The following B3GALT1 variants were observed in gnomAD, a reference collection of about 807,000 sequenced individuals.
B3GALT1 encodes beta-1,3-galactosyltransferase 1.
Under a neutral mutation model 23.2 loss-of-function variants are expected in B3GALT1, and 10 were observed. The ratio of observed to expected loss-of-function variants is 0.43; its 90% CI spans 0.27 to 0.73. The LOEUF (loss-of-function observed/expected upper bound fraction) is 0.73, where lower values mean the gene tolerates loss of function less well. Ranked by LOEUF, B3GALT1 falls within the 30% of genes least tolerant of loss-of-function variation. The probability of loss-of-function intolerance (pLI) is 0.21; values close to 1 mark genes in which losing one functional copy is unlikely to be tolerated. For synonymous variants in B3GALT1, 156 were observed against 141.5 expected, an observed-to-expected ratio of 1.10 and a Z score of -0.73; for missense variants, 299 against 405.4, an observed-to-expected ratio of 0.74 and a Z score of 2.25.
At chr2:167,350,929 CAT>C (rs1425700492) in intron 1 of B3GALT1, among the ~76,000 whole-genome samples, 1 of 152,184 alleles carries the variant, frequency 6.6e-6, no homozygotes, top group Non-Finnish European at 1.5e-5. Flanking sequence ...TGGCTGCATG[CAT>C]ATGTTATTCC....
At chr2:167,643,459 G>T (rs1260970449) in intron 2 of B3GALT1, among the ~76,000 whole-genome samples, 1 of 151,940 alleles carries the variant, frequency 6.6e-6, no homozygotes, top group Non-Finnish European at 1.5e-5. Context: ...ATGTTAAGTG[G>T]TAGGGGAAAG....
chr2:167,835,289 G>A (rs200445883), intron 4 of B3GALT1, among the ~76,000 whole-genome samples: 6 of 152,186 alleles, frequency 3.9e-5, no homozygotes, highest in African/African-American at 1.2e-4. Flanking sequence ...CAAAGAAAGG[G>A]GTGACAGATG....
chr2:167,586,348 G>A (rs906694818), intron 2 of B3GALT1, among the ~76,000 whole-genome samples: 1 of 152,090 alleles, frequency 6.6e-6, no homozygotes, highest in African/African-American at 2.4e-5. Flanking sequence ...CGCCCAGGCT[G>A]GAGTGCAGTG....
rs139826851 is a variant in B3GALT1, at chr2:167,448,468, T to G, written c.-510-41709T>G. ...CAATTTTTGATGGGATTGTTGGTTT[T>G]TTTGTTGCTGATTTGTTTGAGTTTC... is the stretch of plus-strand genomic sequence containing the variant. On this transcript the variant is annotated intron_variant, in intron 1 of 4. Coordinates refer to ENST00000392690, the MANE Select transcript of B3GALT1 (RefSeq NM_020981.4). Among the ~76,000 whole-genome samples the G allele has an allele frequency of 2.8e-4, 42 of 152,298 alleles. No individual in the cohort carries two copies. In the East Asian group the frequency reaches 8.1e-3, roughly 29 times the overall value.
rs1295318741 is a variant in B3GALT1 at position 167,870,051 on chromosome 2, C to CT, written c.*38dup. 1.9e-6 allele frequency: 3 copies of CT among 1,539,916 alleles called. No individual in the cohort carries two copies. Among genetic ancestry groups the CT allele is most frequent in the African/African-American group, 2.8e-5 (2 of 72,512 alleles). On this transcript the variant is annotated 3_prime_UTR_variant, in exon 5 of 5. Coordinates refer to ENST00000392690, the MANE Select transcript of B3GALT1 (RefSeq NM_020981.4). ...TTACCAATGTAAATATGTTTCTTTT[C>CT]TTTTTTTAAGAAATGGGACCTAAGG...
At chr2:167,550,405 A>G (rs985373237) in intron 2 of B3GALT1, among the ~76,000 whole-genome samples, 1 of 152,242 alleles carries the variant, frequency 6.6e-6, no homozygotes, top group African/African-American at 2.4e-5. Context: ...GACTAAGAGC[A>G]AAAAACAAAC....
intron 3 of B3GALT1, among the ~76,000 whole-genome samples, chr2:167,793,798 T>C (rs1424070376): frequency 6.6e-6 from 1 of 152,206 alleles, no homozygotes; most frequent in East Asian, 1.9e-4. Flanking sequence ...ATATGAATAA[T>C]GGACATTCAT....
At chr2:167,353,689 T>G (rs1697355731) in intron 1 of B3GALT1, among the ~76,000 whole-genome samples, 1 of 152,146 alleles carries the variant, frequency 6.6e-6, no homozygotes, top group African/African-American at 2.4e-5. Context: ...AGTATAAAAT[T>G]TATATTATAA....
chr2:167,624,532 C>A (rs1287065065), intron 2 of B3GALT1, among the ~76,000 whole-genome samples: 1 of 152,010 alleles, frequency 6.6e-6, no homozygotes, highest in South Asian at 2.1e-4. Flanking sequence ...CAGACATGAG[C>A]GTTTTATTTG....
chr2:167,419,632 T>C (rs1698519054), intron 1 of B3GALT1, among the ~76,000 whole-genome samples: 1 of 152,238 alleles, frequency 6.6e-6, no homozygotes, highest in South Asian at 2.1e-4. Context: ...TTTATTTGTA[T>C]CATCATTCAT....
At chr2:167,815,230 A>C (rs955308371) in intron 3 of B3GALT1, 5 of 152,208 alleles carry the variant, frequency 3.3e-5, no homozygotes, top group African/African-American at 9.7e-5. Context: ...AAGCGACCCC[A>C]CCTATAGTGA....
At chr2:167,486,897 G>A (rs1699635270) in intron 1 of B3GALT1, among the ~76,000 whole-genome samples, 1 of 152,064 alleles carries the variant, frequency 6.6e-6, no homozygotes, top group Non-Finnish European at 1.5e-5. Flanking sequence ...TTGGGAAAAT[G>A]TTCTGTTATG....
chr2:167,492,140 C>T (rs908862618), intron 2 of B3GALT1, among the ~76,000 whole-genome samples: 10 of 152,216 alleles, frequency 6.6e-5, no homozygotes, highest in Admixed American at 2.0e-4. Context: ...ATTCCCTCTT[C>T]TCTCCCTCCA....
chr2:167,528,268 C>G (rs1006531279), intron 2 of B3GALT1, among the ~76,000 whole-genome samples: 5 of 152,136 alleles, frequency 3.3e-5, no homozygotes, highest in African/African-American at 4.8e-5. Flanking sequence ...AAGAAAATGT[C>G]AGGTTATTTC....
intron 4 of B3GALT1, among the ~76,000 whole-genome samples, chr2:167,846,936 A>G (rs1689773816): frequency 6.6e-6 from 1 of 152,234 alleles, no homozygotes; most frequent in Admixed American, 6.5e-5. Context: ...ATGGACACCA[A>G]AAATGAGCAG....
chr2:167,415,093 T>A (rs528289215), intron 1 of B3GALT1, among the ~76,000 whole-genome samples: 1 of 152,320 alleles, frequency 6.6e-6, no homozygotes, highest in African/African-American at 2.4e-5. Context: ...CAGAGTGTGC[T>A]ATGATTTGAA....
In B3GALT1 at chr2:167,504,321, G is replaced by A. The variant is rs564759775; in HGVS notation, c.-410+14044G>A. Among the ~76,000 whole-genome samples, 9 of 152,210 alleles carry A rather than the reference G, an allele frequency of 5.9e-5. 1 individual carries two copies. In the South Asian group the frequency reaches 1.9e-3, roughly 32 times the overall value. On this transcript the variant is annotated intron_variant, in intron 2 of 4. Transcript: ENST00000392690. ...ATACAATTCTAGCCTAGAGTCTATA[G>A]CCTAGAATTAGTTATAAGTAGCTCA...
chr2:167,679,547 C>T (rs1050087259), intron 3 of B3GALT1, among the ~76,000 whole-genome samples: 2 of 152,278 alleles, frequency 1.3e-5, no homozygotes, highest in African/African-American at 2.4e-5. Flanking sequence ...AGCTACTGCA[C>T]CTGGTTTCAA....
chr2:167,606,904 C>T (rs1240594040), intron 2 of B3GALT1, among the ~76,000 whole-genome samples: 6 of 152,028 alleles, frequency 3.9e-5, no homozygotes, highest in East Asian at 1.9e-4. Flanking sequence ...AATCTTTTAC[C>T]GTAAGCTCCT....
Sources: allele counts gnomAD v4.1 joint callset (sites outside exome capture counted in the v4.1 genomes callset), GRCh38; gene constraint gnomAD v4.1.1; transcripts MANE v1.5; gene names NCBI Gene and HGNC (gene_info 2026-07-23, HGNC 2026-07-21).